The following CDC23 variants were observed in gnomAD, a reference collection of about 807,000 sequenced individuals.
CDC23 encodes cell division cycle 23.
A neutral mutation model predicts 81.7 loss-of-function variants in CDC23; 26 were observed. The ratio of observed to expected loss-of-function variants is 0.32; its 90% CI spans 0.23 to 0.44. CDC23 has a LOEUF of 0.44. Ranked by LOEUF, CDC23 falls within the 20% of genes least tolerant of loss-of-function variation. The probability of loss-of-function intolerance (pLI) is 1.00; values close to 1 mark genes in which losing one functional copy is unlikely to be tolerated. For missense variants in CDC23, 519 were observed against 728.0 expected, an observed-to-expected ratio of 0.71 and a Z score of 3.30; for synonymous variants, 267 against 270.8, an observed-to-expected ratio of 0.99 and a Z score of 0.14.
At chr5:138,197,304 C>CAAA (rs33974714) in intron 9 of CDC23, among the ~76,000 whole-genome samples, 5 of 58,340 alleles carry the variant, frequency 8.6e-5, no homozygotes, top group Admixed American at 2.1e-4. Flanking sequence ...ACTCTGTCAC[C>CAAA]AAAAAAAAAA....
At chr5:138,201,484 G>A (rs1754989128) in intron 4 of CDC23, 36 bp from the exon 5 acceptor site, 9 of 1,358,706 alleles carry the variant, frequency 6.6e-6, no homozygotes, top group Non-Finnish European at 9.2e-6. Flanking sequence ...CTAAGGTTAG[G>A]ATGCTGGTTT....
At chr5:138,207,993 G>A (rs896881377) in intron 2 of CDC23, among the ~76,000 whole-genome samples, 3 of 150,066 alleles carry the variant, frequency 2.0e-5, no homozygotes, top group Admixed American at 6.6e-5. Flanking sequence ...ACAGAGCCTC[G>A]CTCTGTCGCC....
Position 138,196,879 on chromosome 5 carries a change from CT to C in CDC23, c.1012+1319del, listed in dbSNP as rs1180374462. Reference sequence around the variant, plus strand: ...ACAGGTGTGAGCCACCGCGCCTGGCCTTTTTTTTTCCTTTTTTTTTTTTTTT... The same window carrying C: ...ACAGGTGTGAGCCACCGCGCCTGGCCTTTTTTTTCCTTTTTTTTTTTTTTT... On this transcript the variant is annotated intron_variant, in intron 9 of 15. Coordinates refer to ENST00000394886, the MANE Select transcript of CDC23 (RefSeq NM_004661.4). Among the ~76,000 whole-genome samples, 20 of 141,720 alleles carry C rather than the reference CT, an allele frequency of 1.4e-4. No individual in the cohort carries two copies. In the East Asian group the frequency reaches 2.0e-3, roughly 14 times the overall value. The allele number at this position is 141,720 out of a possible 152,430, so 93.0% of individuals were successfully genotyped here.
At chr5:138,210,868 A>G (rs1755105248) in intron 2 of CDC23, among the ~76,000 whole-genome samples, 1 of 152,212 alleles carries the variant, frequency 6.6e-6, no homozygotes, top group Non-Finnish European at 1.5e-5. Context: ...TTATTTACTC[A>G]TTCAATAGTT....
intron 6 of CDC23, among the ~76,000 whole-genome samples, chr5:138,200,381 C>G (rs1754973603): frequency 6.6e-6 from 1 of 152,138 alleles, no homozygotes; most frequent in Non-Finnish European, 1.5e-5. Context: ...ATCCACCCAC[C>G]TTGGCTTCCC....
At chr5:138,190,447 G>A (rs1402553346) in intron 13 of CDC23, among the ~76,000 whole-genome samples, 1 of 135,018 alleles carries the variant, frequency 7.4e-6, no homozygotes, top group Non-Finnish European at 1.5e-5. Flanking sequence ...CACAGAATGA[G>A]ACTCTGACTC....
In CDC23 at chr5:138,198,867, A is replaced by C. The variant is rs150735649; in HGVS notation, c.655-85T>G. On this transcript the variant is annotated intron_variant, in intron 6 of 15. Transcript: ENST00000394886. ...ATCCAGGAACTATCTTTATTATCTAAAGGAATTTATCACTAAAATTTTATT... is the reference window on the plus strand; with the variant it reads ...ATCCAGGAACTATCTTTATTATCTACAGGAATTTATCACTAAAATTTTATT... The C allele has an allele frequency of 2.6e-4, 360 of 1,391,730 alleles. 5 individuals are homozygous for C. In the East Asian group the frequency reaches 8.2e-3, roughly 32 times the overall value. 86.2% of individuals were successfully genotyped at this position (1,391,730 alleles called of 1,614,324 possible).
Position 138,188,898 on chromosome 5 carries a change from G to A in CDC23, c.*80C>T, listed in dbSNP as rs564749526. 3.6e-6 allele frequency: 5 copies of A among 1,404,448 alleles called. No homozygotes were observed. The East Asian group carries it at 9.4e-5, about 26-fold the overall frequency. The allele number at this position is 1,404,448 out of a possible 1,614,324, so 87.0% of individuals were successfully genotyped here. On this transcript the variant is annotated 3_prime_UTR_variant, in exon 16 of 16. Coordinates refer to ENST00000394886, the MANE Select transcript of CDC23 (RefSeq NM_004661.4). ...GAAACAAGAAGAGCTGAGGTCCTTG[G>A]AACAGACGTGCTGTTCTTTACATGG... is the stretch of plus-strand genomic sequence containing the variant.
intron 2 of CDC23, among the ~76,000 whole-genome samples, chr5:138,210,045 C>T (rs909257291): frequency 6.6e-6 from 1 of 151,878 alleles, no homozygotes. Context: ...GAAACCTCCT[C>T]TCTACTAAAA....
intron 11 of CDC23, 33 bp downstream of exon 11, chr5:138,192,236 A>G (rs968759666): frequency 1.1e-5 from 17 of 1,613,482 alleles, no homozygotes; most frequent in Non-Finnish European, 1.4e-5. Flanking sequence ...AGCCCTTCCC[A>G]TATCAGACGC....
chr5:138,195,610 TA>T (rs1374445744), intron 9 of CDC23, among the ~76,000 whole-genome samples: 1 of 116,888 alleles, frequency 8.6e-6, no homozygotes, highest in African/African-American at 3.3e-5. Flanking sequence ...ATATATGATA[TA>T]TTTATATATA....
chr5:138,195,669 T>C (rs1336773591), intron 9 of CDC23, among the ~76,000 whole-genome samples: 2 of 113,348 alleles, frequency 1.8e-5, no homozygotes, highest in African/African-American at 7.3e-5. Context: ...ACATATATTT[T>C]ATATATGCAT....
chr5:138,207,765 G>A (rs1755067921), intron 2 of CDC23, among the ~76,000 whole-genome samples: 1 of 152,004 alleles, frequency 6.6e-6, no homozygotes, highest in South Asian at 2.1e-4. Context: ...GGACCGGCCT[G>A]GGCAACGTGG....
intron 13 of CDC23, among the ~76,000 whole-genome samples, chr5:138,190,957 C>A (rs1754820649): frequency 1.3e-5 from 2 of 151,958 alleles, no homozygotes; most frequent in Admixed American, 6.6e-5. Flanking sequence ...AACCTCTTTG[C>A]CTACTATTTG....
chr5:138,189,121 G>A lies in CDC23; in HGVS notation c.1651C>T (p.Arg551Trp). The A allele has an allele frequency of 3.1e-6, 5 of 1,614,016 alleles. No individual in the cohort carries two copies. The highest frequency in any genetic ancestry group is 3.4e-6 in the Non-Finnish European group (4 of 1,179,934). Reference sequence around the variant, plus strand: ...TGGTTCCGAAGCTGTAGGATTTGCCGGAGTAAGGCCTTACCTTCTTCCCGG... The same window carrying A: ...TGGTTCCGAAGCTGTAGGATTTGCCAGAGTAAGGCCTTACCTTCTTCCCGG... ...DTREEGKALL[R>W]QILQLRNQGE... is the part of the protein sequence containing the mutation. Residue 551 changes from arginine to tryptophan, a missense_variant, in exon 16 of 16, where the codon CGG (arginine) becomes TGG (tryptophan). Arg to Trp is a moderately radical substitution (Grantham distance 101, BLOSUM62 -3). Coordinates refer to ENST00000394886, the MANE Select transcript of CDC23 (RefSeq NM_004661.4).
intron 3 of CDC23, among the ~76,000 whole-genome samples, chr5:138,203,616 C>T (rs542451033): frequency 1.5e-4 from 23 of 152,118 alleles, no homozygotes; most frequent in Admixed American, 4.6e-4. Flanking sequence ...GCTCAATTGA[C>T]AAGATTGGAA....
At chr5:138,197,322 A>AG (rs1561634824) in intron 9 of CDC23, among the ~76,000 whole-genome samples, 2 of 148,780 alleles carry the variant, frequency 1.3e-5, no homozygotes, top group Admixed American at 1.3e-4. Flanking sequence ...AAAAAAAAAA[A>AG]AGTACATCTA....
rs762840062 is a variant in CDC23, at chr5:138,201,370, C to T, written c.494G>A (p.Arg165Gln). Reference protein sequence around the residue: ...RVELSKKHQARELDGFGLYLY... With the variant: ...RVELSKKHQAQELDGFGLYLY... ...ATAAAGTCCAAATCCATCAAGTTCT[C>T]GAGCTTGGTGTTTTTTGCTGAGCTC... The change falls in exon 5 of 16, where the codon CGA becomes CAA. Residue 165 changes from arginine to glutamine, a missense_variant. Transcript: ENST00000394886. The T allele has an allele frequency of 6.8e-6, 11 of 1,613,900 alleles. No homozygotes were observed. Among genetic ancestry groups the T allele is most frequent in the East Asian group, 2.2e-5 (1 of 44,888 alleles).
chr5:138,213,276 T>C lies in CDC23; in HGVS notation c.37A>G (p.Thr13Ala), dbSNP rs750355458. The change falls in exon 1 of 16, where the codon ACG (threonine) becomes GCG (alanine). Residue 13 changes from threonine to alanine, a missense_variant. Transcript: ENST00000394886. ...GACAGGACAGGCGCCACTGCCGCCG[T>C]CACAGCCACCGGGACCATGGAGGTA... Reference protein sequence around the residue: ...ASTSMVPVAVTAAVAPVLSIN... With the variant: ...ASTSMVPVAVAAAVAPVLSIN... 1.2e-6 allele frequency: 2 copies of C among 1,614,044 alleles called. No individual in the cohort carries two copies. Among genetic ancestry groups the C allele is most frequent in the Non-Finnish European group, 1.7e-6 (2 of 1,180,040 alleles).
Sources: allele counts gnomAD v4.1 joint callset (sites outside exome capture counted in the v4.1 genomes callset), GRCh38; gene constraint gnomAD v4.1.1; transcripts MANE v1.5; gene names NCBI Gene and HGNC (gene_info 2026-07-23, HGNC 2026-07-21).